Variants in LDB2 observed in about 807,000 individuals in gnomAD.
LDB2 encodes the protein LIM domain-binding protein 2.
LDB2 carries 12 observed loss-of-function variants against 44.3 expected under a neutral mutation model. The ratio of observed to expected loss-of-function variants is 0.27; its 90% CI spans 0.17 to 0.44. The LOEUF is 0.44. LDB2 is among the 20% of genes least tolerant of loss of function. The pLI, the probability that LDB2 is intolerant of heterozygous loss-of-function variation, is 1.00. For missense variants in LDB2, 344 were observed against 473.5 expected (o/e 0.73, Z 2.54); for synonymous variants, 164 against 174.8 (o/e 0.94, Z 0.49).
intron 2 of LDB2, among the ~76,000 whole-genome samples, chr4:16,711,971 C>T (rs1755970868): frequency 6.6e-6 from 1 of 151,980 alleles, no homozygotes; most frequent in Non-Finnish European, 1.5e-5. Flanking sequence ...AATAATAGAA[C>T]TTTTAGAAGA....
intron 2 of LDB2, among the ~76,000 whole-genome samples, chr4:16,668,152 A>T (rs919339836): frequency 1.6e-4 from 19 of 116,882 alleles, no homozygotes; most frequent in Admixed American, 7.8e-4. Flanking sequence ...GATATACGAT[A>T]AATATATATA....
chr4:16,865,669 A>G (rs1714446508), intron 1 of LDB2, among the ~76,000 whole-genome samples: 1 of 152,216 alleles, frequency 6.6e-6, no homozygotes, highest in Admixed American at 6.5e-5. Flanking sequence ...AGAGCAGTTG[A>G]CAACCGACTC....
At position 16,607,848 on chromosome 4, in the gene LDB2, G is replaced by A. The variant is rs142684779; in HGVS notation, c.236-11973C>T. On this transcript the variant is annotated intron_variant, in intron 2 of 7. Coordinates refer to ENST00000304523, the MANE Select transcript of LDB2 (RefSeq NM_001290.5). Reference sequence around the variant, plus strand: ...AAGTGGATAAATGTGGACTTGGCACGCCTATTTGGACAGTCTGCGAATCTC... The same window carrying A: ...AAGTGGATAAATGTGGACTTGGCACACCTATTTGGACAGTCTGCGAATCTC... Among the ~76,000 whole-genome samples the A allele has an allele frequency of 4.6e-3, 698 of 152,240 alleles. 4 individuals are homozygous for A. The highest frequency in any genetic ancestry group is 7.5e-3 in the Non-Finnish European group (510 of 68,018).
chr4:16,889,371 G>C (rs541369918), intron 1 of LDB2: 5 of 152,202 alleles, frequency 3.3e-5, no homozygotes, highest in Admixed American at 3.3e-4. Context: ...AGAAACACTA[G>C]GATAAGTATA....
At chr4:16,728,237 AG>A (rs1312316833) in intron 2 of LDB2, among the ~76,000 whole-genome samples, 4 of 152,206 alleles carry the variant, frequency 2.6e-5, no homozygotes, top group Non-Finnish European at 5.9e-5. Flanking sequence ...GCTGTAGAAA[AG>A]CTTGGGGAGG....
rs185782626 is a variant in LDB2, at chr4:16,897,973, T to C, written c.132+381A>G. ...ATATATATATATATATATATATATA[T>C]ACACATATGTATATATATATATAGC... On this transcript the variant is annotated intron_variant, in intron 1 of 7. Coordinates refer to ENST00000304523, the MANE Select transcript of LDB2 (RefSeq NM_001290.5). 3.4e-3 allele frequency among the ~76,000 whole-genome samples: 287 copies of C among 84,532 alleles called. 1 individual carries two copies. Among genetic ancestry groups the C allele is most frequent in the African/African-American group, 8.0e-3 (196 of 24,410 alleles). The allele number at this position is 84,532 out of a possible 152,430, so 55.5% of individuals were successfully genotyped here.
At chr4:16,656,227 C>A (rs558329150) in intron 2 of LDB2, among the ~76,000 whole-genome samples, 104 of 152,314 alleles carry the variant, frequency 6.8e-4, no homozygotes, top group African/African-American at 2.4e-3. Flanking sequence ...AAAATGTAAT[C>A]TTGTTCCTAA....
intron 2 of LDB2, among the ~76,000 whole-genome samples, chr4:16,632,068 C>T (rs987938010): frequency 2.0e-5 from 3 of 152,208 alleles, no homozygotes; most frequent in Non-Finnish European, 4.4e-5. Flanking sequence ...AAGAGGGAAT[C>T]CTCCCTAACT....
intron 5 of LDB2, among the ~76,000 whole-genome samples, chr4:16,550,626 G>A (rs1208015935): frequency 4.6e-5 from 7 of 152,232 alleles, no homozygotes; most frequent in African/African-American, 1.7e-4. Context: ...CCAATACCAA[G>A]TGTTGACAAG....
intron 2 of LDB2, among the ~76,000 whole-genome samples, chr4:16,652,765 C>T (rs991579666): frequency 2.0e-5 from 3 of 152,154 alleles, no homozygotes; most frequent in African/African-American, 7.2e-5. Flanking sequence ...GGGAATGTGG[C>T]TACTTCACGG....
At position 16,685,381 on chromosome 4, in the gene LDB2, G is replaced by T. The variant is rs185425685; in HGVS notation, c.235+73777C>A. ...CTTTTACATCTCTCAAGTTTTTTTT[G>T]TTTTGTTTTGTTTTTTGTTTTTTTG... On this transcript the variant is annotated intron_variant, in intron 2 of 7. Coordinates refer to ENST00000304523, the MANE Select transcript of LDB2 (RefSeq NM_001290.5). Among the ~76,000 whole-genome samples, 1,080 of 151,918 alleles carry T rather than the reference G, an allele frequency of 7.1e-3. 7 individuals carry two copies. The highest frequency in any genetic ancestry group is 0.011 in the Non-Finnish European group (775 of 67,920).
chr4:16,527,944 A>G (rs746631365), intron 5 of LDB2, among the ~76,000 whole-genome samples: 7 of 152,072 alleles, frequency 4.6e-5, no homozygotes, highest in Non-Finnish European at 8.8e-5. Context: ...GTATACCTTA[A>G]TAAAGCTGGG....
intron 2 of LDB2, among the ~76,000 whole-genome samples, chr4:16,728,753 T>C (rs185235682): frequency 1.3e-5 from 2 of 152,310 alleles, no homozygotes; most frequent in Admixed American, 1.3e-4. Context: ...ATCACGTATA[T>C]CTTTCTATCC....
At chr4:16,746,684 G>A (rs1174805371) in intron 2 of LDB2, among the ~76,000 whole-genome samples, 1 of 152,178 alleles carries the variant, frequency 6.6e-6, no homozygotes, top group African/African-American at 2.4e-5. Context: ...CTACTCAGGA[G>A]GCTGAGGCAG....
chr4:16,888,173 T>C lies in LDB2; in HGVS notation c.132+10181A>G, dbSNP rs1722306349. On this transcript the variant is annotated intron_variant, in intron 1 of 7. Transcript: ENST00000304523. Reference sequence around the variant, plus strand: ...CTGCATATTGAGAAGCATGCGTCCTTAGAAGAAATGGCCAGTCAAGGCCAG... The same window carrying C: ...CTGCATATTGAGAAGCATGCGTCCTCAGAAGAAATGGCCAGTCAAGGCCAG... Among the ~76,000 whole-genome samples, 3 of 152,294 alleles carry C rather than the reference T, an allele frequency of 2.0e-5. No homozygotes were observed. In the South Asian group the frequency reaches 6.2e-4, roughly 32 times the overall value.
chr4:16,559,765 G>T (rs1176492173), intron 5 of LDB2, among the ~76,000 whole-genome samples: 31 of 152,112 alleles, frequency 2.0e-4, no homozygotes, highest in Middle Eastern at 3.4e-3. Flanking sequence ...GAATATACAT[G>T]TTTTTCAGCA....
intron 2 of LDB2, chr4:16,750,880 A>G (rs1246136268): frequency 6.6e-6 from 1 of 152,192 alleles, no homozygotes; most frequent in Non-Finnish European, 1.5e-5. Context: ...TATTGTGTAG[A>G]ACAGTTCTCT....
At chr4:16,784,554 G>T (rs573548911) in intron 1 of LDB2, among the ~76,000 whole-genome samples, 21 of 152,282 alleles carry the variant, frequency 1.4e-4, no homozygotes, top group Non-Finnish European at 2.4e-4. Flanking sequence ...TCAGGACCTA[G>T]AAATAGCTTC....
chr4:16,586,383 A>T (rs1578004123), intron 4 of LDB2, among the ~76,000 whole-genome samples: 1 of 151,992 alleles, frequency 6.6e-6, no homozygotes, highest in Non-Finnish European at 1.5e-5. Context: ...GACTGGGCAG[A>T]TCCATGCTTC....
Sources: gnomAD v4.1 joint callset for allele counts (sites outside exome capture counted in the v4.1 genomes callset) on GRCh38, gnomAD v4.1.1 for gene constraint, MANE v1.5 for transcripts, NCBI Gene and HGNC (gene_info 2026-07-23, HGNC 2026-07-21) for gene names.